CIPC: variants seen among roughly 807,000 people sequenced by gnomAD.
The protein encoded by CIPC is CLOCK-interacting pacemaker.
In CIPC, 12 loss-of-function variants were observed where a neutral mutation model predicts 26.7. The ratio of observed to expected loss-of-function variants is 0.45; its 90% CI spans 0.29 to 0.73. The LOEUF is 0.73. CIPC is among the 30% of genes least tolerant of loss of function. CIPC has a pLI of 0.12. For synonymous variants in CIPC, 170 were observed against 189.8 expected, an observed-to-expected ratio of 0.90 and a Z score of 0.86; for missense variants, 417 against 486.5, an observed-to-expected ratio of 0.86 and a Z score of 1.34.
Position 77,113,829 on chromosome 14 carries a change from TGG to T in CIPC, c.712_713del (p.Gly238LysfsTer15). On this transcript the variant is annotated frameshift_variant, in exon 4 of 4. Coordinates refer to ENST00000361786, the MANE Select transcript of CIPC (RefSeq NM_033426.3). LOFTEE classifies it high-confidence loss of function. Reference protein sequence around the residue: ...LQGVPSLVAGGSPQTLQPVSS... With the variant: ...LQGVPSLVAGXSPQTLQPVSS... ...AGGGTGTGCCCTCTCTGGTGGCAGGTGGAAGTCCACAGACTCTTCAGCCGGTA... is the reference window on the plus strand; with the variant it reads ...AGGGTGTGCCCTCTCTGGTGGCAGGTAAGTCCACAGACTCTTCAGCCGGTA... 1.2e-6 allele frequency: 2 copies of T among 1,614,050 alleles called. No individual in the cohort carries two copies. Among genetic ancestry groups the T allele is most frequent in the Non-Finnish European group, 1.7e-6 (2 of 1,180,016 alleles).
At chr14:77,106,703 A>G (rs1245990915) in intron 2 of CIPC, among the ~76,000 whole-genome samples, 1 of 152,206 alleles carries the variant, frequency 6.6e-6, no homozygotes. Flanking sequence ...ACTTATAGTG[A>G]GAAATGCAGC....
Position 77,114,059 on chromosome 14 carries a change from A to G in CIPC, c.941A>G (p.His314Arg), listed in dbSNP as rs1886759185. The G allele has an allele frequency of 3.1e-6, 5 of 1,614,136 alleles. No individual in the cohort carries two copies. The highest frequency in any genetic ancestry group is 4.2e-6 in the Non-Finnish European group (5 of 1,180,020). ...DIFSEQRQSK[H>R]RRFQNTLVVL... ...TTTTCAGAGCAGCGGCAGAGCAAAC[A>G]TAGGCGCTTTCAGAATACCCTAGTA... is the stretch of plus-strand genomic sequence containing the variant. The change falls in exon 4 of 4, where the codon CAT (histidine) becomes CGT (arginine). Residue 314 changes from histidine (H) to arginine (R), a missense_variant. Physicochemically the swap from His to Arg is conservative, Grantham distance 29. Transcript: ENST00000361786.
At chr14:77,099,347 G>C (rs1886428645) in intron 1 of CIPC, 1 of 152,232 alleles carries the variant, frequency 6.6e-6, no homozygotes, top group South Asian at 2.1e-4. Flanking sequence ...CAGGATCTTT[G>C]ACACGAATTT....
chr14:77,107,791 T>G (rs1415929426), intron 2 of CIPC, among the ~76,000 whole-genome samples: 1 of 152,180 alleles, frequency 6.6e-6, no homozygotes, highest in East Asian at 1.9e-4. Context: ...CCTAAGAAAT[T>G]TAACACTGAT....
chr14:77,113,858 C>G lies in CIPC; in HGVS notation c.740C>G (p.Ser247Cys), dbSNP rs750161591. Residue 247 changes from serine (S) to cysteine (C), a missense_variant, in exon 4 of 4, where the codon TCC becomes TGC. Physicochemically the swap from Ser to Cys is moderately radical, Grantham distance 112. Coordinates refer to ENST00000361786, the MANE Select transcript of CIPC (RefSeq NM_033426.3). ...AGTCCACAGACTCTTCAGCCGGTAT[C>G]CAGCAGTCACGTGGCTAAAGCTCCC... is the stretch of plus-strand genomic sequence containing the variant. The part of the protein sequence containing the change: ...GGSPQTLQPV[S>C]SSHVAKAPSL... 191 of 1,614,034 alleles carry G rather than the reference C, an allele frequency of 1.2e-4. No homozygotes were observed. The highest frequency in any genetic ancestry group is 4.2e-4 in the South Asian group (38 of 91,086).
chr14:77,109,877 G>A lies in CIPC; in HGVS notation c.202G>A (p.Gly68Ser), dbSNP rs941497172. ...GTCCGAGGACATGCTGAGCGCCTTAGGCTGGAGCAGAGAAGACAGGCCGAG... is the reference window on the plus strand; with the variant it reads ...GTCCGAGGACATGCTGAGCGCCTTAAGCTGGAGCAGAGAAGACAGGCCGAG... ...MESEDMLSAL[G>S]WSREDRPRQN... The change falls in exon 3 of 4, where the codon GGC becomes AGC. Residue 68 changes from glycine to serine, a missense_variant. Gly to Ser is a moderately conservative substitution (Grantham distance 56). Transcript: ENST00000361786. 1.9e-6 allele frequency: 3 copies of A among 1,614,200 alleles called. No individual in the cohort carries two copies. The highest frequency in any genetic ancestry group is 2.5e-6 in the Non-Finnish European group (3 of 1,180,040).
At chr14:77,098,924 G>A (rs1005423405) in intron 1 of CIPC, among the ~76,000 whole-genome samples, 2 of 152,240 alleles carry the variant, frequency 1.3e-5, no homozygotes, top group East Asian at 3.8e-4. Context: ...CTGGGGAGAA[G>A]GTGGGCAGTG....
intron 2 of CIPC, among the ~76,000 whole-genome samples, chr14:77,108,227 G>GT (rs1278455911): frequency 1.3e-5 from 2 of 152,152 alleles, no homozygotes; most frequent in Non-Finnish European, 2.9e-5. Flanking sequence ...GGCTAAGATA[G>GT]TGTGTACAGA....
intron 1 of CIPC, among the ~76,000 whole-genome samples, chr14:77,104,284 T>C (rs1453336479): frequency 6.6e-6 from 1 of 152,086 alleles, no homozygotes; most frequent in Non-Finnish European, 1.5e-5. Context: ...AGCTACTCCA[T>C]AGGCTGAGGG....
At position 77,113,717 on chromosome 14, in the gene CIPC, G is replaced by A. The variant is rs1261670530; in HGVS notation, c.599G>A (p.Ser200Asn). 1 of 1,612,560 alleles carries A rather than the reference G, an allele frequency of 6.2e-7. No homozygotes were observed. The highest frequency in any genetic ancestry group is 1.3e-5 in the African/African-American group (1 of 74,992). ...AGACTTGGGCCTAGCTTGTCTTCCAGTGAGCCAACCAAGGCTGGTGCTGTC... is the reference window on the plus strand; with the variant it reads ...AGACTTGGGCCTAGCTTGTCTTCCAATGAGCCAACCAAGGCTGGTGCTGTC... ...TERLGPSLSS[S>N]EPTKAGAVPS... Residue 200 changes from serine (S) to asparagine (N), a missense_variant, in exon 4 of 4, where the codon AGT (serine) becomes AAT (asparagine). Coordinates refer to ENST00000361786, the MANE Select transcript of CIPC (RefSeq NM_033426.3).
At chr14:77,105,930 G>C (rs1886583368) in intron 2 of CIPC, 86 bp downstream of exon 2, 1 of 1,488,972 alleles carries the variant, frequency 6.7e-7, no homozygotes, top group South Asian at 1.2e-5. Context: ...TATGTGATAA[G>C]GATGGGATGC....
intron 1 of CIPC, among the ~76,000 whole-genome samples, chr14:77,104,292 G>A (rs1003396959): frequency 4.6e-5 from 7 of 152,178 alleles, no homozygotes; most frequent in Non-Finnish European, 8.8e-5. Context: ...CATAGGCTGA[G>A]GGGAGGATCG....
chr14:77,110,531 G>A (rs1886676525), intron 3 of CIPC, among the ~76,000 whole-genome samples: 1 of 152,200 alleles, frequency 6.6e-6, no homozygotes, highest in Non-Finnish European at 1.5e-5. Context: ...AATCCACACA[G>A]TGTTGTGGAG....
chr14:77,114,109 G>A lies in CIPC; in HGVS notation c.991G>A (p.Glu331Lys). Residue 331 changes from glutamate (E) to lysine (K), a missense_variant, in exon 4 of 4, where the codon GAG becomes AAG. Transcript: ENST00000361786. ...LVVLHKSGLL[E>K]ITLKTKELIR... ...AGTCCTACATAAATCTGGTTTGCTG[G>A]AGATCACTTTGAAAACCAAGGAGTT... 1 of 1,614,070 alleles carries A rather than the reference G, an allele frequency of 6.2e-7. No individual in the cohort carries two copies. The highest frequency in any genetic ancestry group is 8.5e-7 in the Non-Finnish European group (1 of 1,180,028).
rs1319359476 is a variant in CIPC, at chr14:77,113,821, G to A, written c.703G>A (p.Val235Met). ...AGCTCTGCAGGGTGTGCCCTCTCTG[G>A]TGGCAGGTGGAAGTCCACAGACTCT... ...DSALQGVPSL[V>M]AGGSPQTLQP... is the part of the protein sequence containing the mutation. Residue 235 changes from valine (V) to methionine (M), a missense_variant, in exon 4 of 4, where the codon GTG becomes ATG. Coordinates refer to ENST00000361786, the MANE Select transcript of CIPC (RefSeq NM_033426.3). 1 of 1,614,088 alleles carries A rather than the reference G, an allele frequency of 6.2e-7. No individual in the cohort carries two copies.
intron 3 of CIPC, among the ~76,000 whole-genome samples, chr14:77,112,914 G>A (rs1225271606): frequency 1.3e-5 from 2 of 152,136 alleles, no homozygotes; most frequent in East Asian, 1.9e-4. Flanking sequence ...GGTTTCACAC[G>A]TTGGCCAGGC....
rs116644135 is a variant in CIPC, at chr14:77,114,542, C to T, written c.*224C>T. ...CACTGAGGACCTCAGTTTGGGAGTG[C>T]CCTTGAGCCCCTTTTCCTTAGCCTG... On this transcript the variant is annotated 3_prime_UTR_variant, in exon 4 of 4. Coordinates refer to ENST00000361786, the MANE Select transcript of CIPC (RefSeq NM_033426.3). The T allele has an allele frequency of 8.1e-5, 41 of 506,396 alleles. No individual in the cohort carries two copies. The highest frequency in any genetic ancestry group is 7.8e-4 in the African/African-American group (41 of 52,520). 31.4% of individuals were successfully genotyped at this position (506,396 alleles called of 1,614,324 possible). A position where few individuals can be genotyped will look rare whatever the true frequency, so the allele number is the denominator to read the frequency against.
At chr14:77,107,502 A>G (rs1004152601) in intron 2 of CIPC, among the ~76,000 whole-genome samples, 3 of 152,204 alleles carry the variant, frequency 2.0e-5, no homozygotes, top group African/African-American at 7.2e-5. Flanking sequence ...TGCAAAATCA[A>G]GACAATTTTT....
At position 77,109,973 on chromosome 14, in the gene CIPC, G is replaced by C; in HGVS notation, c.298G>C (p.Val100Leu). 6.2e-7 allele frequency: 1 copy of C among 1,614,102 alleles called. No homozygotes were observed. The highest frequency in any genetic ancestry group is 1.1e-5 in the South Asian group (1 of 91,088). The stretch of plus-strand genomic sequence containing the variant: ...CATGGTCGTCATGAAGAATGTGCTT[G>C]TCAAACAGGTGAGGAGGACTAATAT... Reference protein sequence around the residue: ...SPMVVMKNVLVKQGSSSSQLQ... With the variant: ...SPMVVMKNVLLKQGSSSSQLQ... The change falls in exon 3 of 4, where the codon GTC (valine) becomes CTC (leucine). Residue 100 changes from valine (V) to leucine (L), a missense_variant. Physicochemically the swap from Val to Leu is conservative, Grantham distance 32 (BLOSUM62 1). Transcript: ENST00000361786.
Sources: allele counts gnomAD v4.1 joint callset (sites outside exome capture counted in the v4.1 genomes callset), GRCh38; gene constraint gnomAD v4.1.1; transcripts MANE v1.5; gene names NCBI Gene and HGNC (gene_info 2026-07-23, HGNC 2026-07-21).